The following PDE10A variants were observed in gnomAD, a reference collection of about 807,000 sequenced individuals.
The protein encoded by PDE10A is phosphodiesterase 10A, also known as cAMP and cAMP-inhibited cGMP 3',5'-cyclic phosphodiesterase 10A.
PDE10A carries 39 observed loss-of-function variants against 97.7 expected under a neutral mutation model. That is an observed-to-expected ratio of 0.40 (90% CI 0.31 to 0.52). PDE10A has a LOEUF of 0.52. Among genes scored for constraint, PDE10A ranks in the 20% least tolerant of loss-of-function variants. The pLI is 0.56. For missense variants in PDE10A, 731 were observed against 1,047.8 expected (o/e 0.70, Z 4.17); for synonymous variants, 371 against 376.8 (o/e 0.98, Z 0.18).
intron 1 of PDE10A, among the ~76,000 whole-genome samples, chr6:165,634,823 C>G (rs763673092): frequency 7.2e-5 from 11 of 152,346 alleles, no homozygotes; most frequent in Admixed American, 1.3e-4. Context: ...CCCCAAGTGT[C>G]AGTCTTTCCT....
chr6:165,417,490 C>G (rs1273707450), intron 11 of PDE10A, among the ~76,000 whole-genome samples: 1 of 152,108 alleles, frequency 6.6e-6, no homozygotes, highest in African/African-American at 2.4e-5. Context: ...GTTTTTCTTA[C>G]GCTTATAAAC....
At position 165,613,078 on chromosome 6, in the gene PDE10A, T is replaced by C. The variant is rs1472189786; in HGVS notation, c.865+48869A>G. 5.3e-5 allele frequency among the ~76,000 whole-genome samples: 8 copies of C among 152,356 alleles called. No homozygotes were observed. The East Asian group carries it at 1.5e-3, about 29-fold the overall frequency. On this transcript the variant is annotated intron_variant, in intron 1 of 21. Coordinates refer to ENST00000539869, the MANE Select transcript of PDE10A (RefSeq NM_001385079.1). ...GTTTATTTTTTATTTTAACCAATTT[T>C]CCTTCACATAGGCATACTTTAAACT...
chr6:165,346,666 T>C (rs751484739), intron 18 of PDE10A, among the ~76,000 whole-genome samples: 1 of 152,118 alleles, frequency 6.6e-6, no homozygotes, highest in Non-Finnish European at 1.5e-5. Context: ...CAGTAGTACT[T>C]CAGATGAGTT....
intron 1 of PDE10A, among the ~76,000 whole-genome samples, chr6:165,795,178 T>C (rs779104870): frequency 6.6e-6 from 1 of 152,210 alleles, no homozygotes; most frequent in Non-Finnish European, 1.5e-5. Flanking sequence ...AGAACAAGCA[T>C]CACCTCTGGA....
chr6:165,403,384 T>A (rs1786833158), intron 13 of PDE10A, among the ~76,000 whole-genome samples: 2 of 152,194 alleles, frequency 1.3e-5, no homozygotes, highest in South Asian at 2.1e-4. Context: ...AGCTTGAAAT[T>A]GTCCATATTG....
At chr6:165,462,659 C>A (rs1272241930) in intron 3 of PDE10A, among the ~76,000 whole-genome samples, 1 of 152,070 alleles carries the variant, frequency 6.6e-6, no homozygotes, top group Non-Finnish European at 1.5e-5. Context: ...ACACAGCCAC[C>A]CACATGGGGA....
rs878898721 is a variant in PDE10A, at chr6:165,576,512, A to G, written c.866-32944T>C. ...CTCTTCAACTGTAACATCTCTGTGG[A>G]TGACTTCTATATCTATACCATTAGC... On this transcript the variant is annotated intron_variant, in intron 1 of 21. Transcript: ENST00000539869. The G allele has an allele frequency of 3.1e-5, 24 of 776,442 alleles. No individual in the cohort carries two copies. The South Asian group carries it at 3.2e-4, about 10-fold the overall frequency. The allele number at this position is 776,442 out of a possible 1,614,324, so 48.1% of individuals were successfully genotyped here.
intron 1 of PDE10A, among the ~76,000 whole-genome samples, chr6:165,978,474 G>T (rs759306633): frequency 3.9e-5 from 6 of 152,194 alleles, no homozygotes; most frequent in Non-Finnish European, 7.3e-5. Context: ...AGGACCTGCT[G>T]ACATCAGGTG....
chr6:165,826,739 T>C (rs1312352746), intron 1 of PDE10A, among the ~76,000 whole-genome samples: 2 of 140,432 alleles, frequency 1.4e-5, no homozygotes, highest in African/African-American at 5.3e-5. Context: ...TCATCCAACT[T>C]GGCAAACGGA....
At chr6:165,355,165 A>C (rs1782947448) in intron 18 of PDE10A, among the ~76,000 whole-genome samples, 1 of 152,208 alleles carries the variant, frequency 6.6e-6, no homozygotes, top group Non-Finnish European at 1.5e-5. Flanking sequence ...TACTTCAAAC[A>C]AAATGCTTTG....
rs569652143 is a variant in PDE10A at position 165,472,482 on chromosome 6, T to G, written c.1023+9833A>C. Among the ~76,000 whole-genome samples the G allele has an allele frequency of 2.0e-5, 3 of 152,302 alleles. No homozygotes were observed. The East Asian group carries it at 5.8e-4, about 29-fold the overall frequency. On this transcript the variant is annotated intron_variant, in intron 3 of 21. Coordinates refer to ENST00000539869, the MANE Select transcript of PDE10A (RefSeq NM_001385079.1). ...ATTTTGCTCCATTAATTTCTTCTCA[T>G]ATTTCATTAATTCATCCCCTGTGCT...
intron 1 of PDE10A, among the ~76,000 whole-genome samples, chr6:165,790,761 C>T (rs921867097): frequency 6.6e-6 from 1 of 152,158 alleles, no homozygotes; most frequent in Non-Finnish European, 1.5e-5. Flanking sequence ...TCATTCTTGG[C>T]TGGAAAGTGT....
intron 1 of PDE10A, among the ~76,000 whole-genome samples, chr6:165,815,708 T>C (rs1009799926): frequency 1.3e-5 from 2 of 152,176 alleles, no homozygotes; most frequent in Non-Finnish European, 2.9e-5. Context: ...AGGGAAGTCC[T>C]ATGAAGGCTC....
intron 19 of PDE10A, among the ~76,000 whole-genome samples, chr6:165,342,301 G>A (rs923032572): frequency 1.9e-4 from 29 of 152,272 alleles, no homozygotes; most frequent in African/African-American, 6.3e-4. Flanking sequence ...GTTCAAACCC[G>A]TGTTGTTCAA....
intron 2 of PDE10A, among the ~76,000 whole-genome samples, chr6:165,536,868 A>G (rs968390484): frequency 2.0e-5 from 3 of 152,146 alleles, no homozygotes; most frequent in African/African-American, 7.2e-5. Flanking sequence ...TACTACAGCC[A>G]TTATGGAAAA....
intron 3 of PDE10A, among the ~76,000 whole-genome samples, chr6:165,477,806 G>A (rs1779377989): frequency 6.6e-6 from 1 of 152,286 alleles, no homozygotes; most frequent in East Asian, 1.9e-4. Flanking sequence ...TGGAATGAAG[G>A]TGAAATAAAG....
chr6:165,490,706 C>A (rs975368952), intron 2 of PDE10A, among the ~76,000 whole-genome samples: 1 of 152,116 alleles, frequency 6.6e-6, no homozygotes, highest in Non-Finnish European at 1.5e-5. Context: ...GTGGTTCATG[C>A]CAGTTGGGGA....
chr6:165,473,121 T>C (rs1779106324), intron 3 of PDE10A, among the ~76,000 whole-genome samples: 1 of 152,132 alleles, frequency 6.6e-6, no homozygotes, highest in Non-Finnish European at 1.5e-5. Context: ...AGAAACTCAA[T>C]GGGGCATTTT....
chr6:165,785,353 A>G (rs1004139805), intron 1 of PDE10A, among the ~76,000 whole-genome samples: 2 of 152,246 alleles, frequency 1.3e-5, no homozygotes, highest in Admixed American at 1.3e-4. Flanking sequence ...CTGAAAAAGC[A>G]GGGACTAATA....
Sources: gnomAD v4.1 joint callset for allele counts (sites outside exome capture counted in the v4.1 genomes callset) on GRCh38, gnomAD v4.1.1 for gene constraint, MANE v1.5 for transcripts, NCBI Gene and HGNC (gene_info 2026-07-23, HGNC 2026-07-21) for gene names.